OPCML: variants seen among roughly 807,000 people sequenced by gnomAD.
The protein encoded by OPCML is opioid binding protein/cell adhesion molecule like.
Under a neutral mutation model 37.8 loss-of-function variants are expected in OPCML, and 13 were observed. The observed-to-expected ratio is 0.34, with a 90% confidence interval of 0.22 to 0.55. The LOEUF is 0.55. OPCML is among the 20% of genes least tolerant of loss of function. The pLI is 0.91. For synonymous variants in OPCML, 176 were observed against 168.8 expected, an observed-to-expected ratio of 1.04 and a Z score of -0.33; for missense variants, 341 against 435.6, an observed-to-expected ratio of 0.78 and a Z score of 1.93.
intron 1 of OPCML, among the ~76,000 whole-genome samples, chr11:133,170,289 A>T (rs577350289): frequency 6.6e-6 from 1 of 152,360 alleles, no homozygotes; most frequent in South Asian, 2.1e-4. Context: ...ATCCTGGCTA[A>T]CACAGTGAAA....
intron 1 of OPCML, among the ~76,000 whole-genome samples, chr11:133,087,620 C>T (rs1264723719): frequency 6.6e-6 from 1 of 152,172 alleles, no homozygotes; most frequent in African/African-American, 2.4e-5. Context: ...TGTCGCAACC[C>T]GAGAGAGATA....
At chr11:132,852,993 G>A (rs966479721) in intron 2 of OPCML, among the ~76,000 whole-genome samples, 2 of 151,876 alleles carry the variant, frequency 1.3e-5, no homozygotes, top group Admixed American at 1.3e-4. Flanking sequence ...TACAGAAAAA[G>A]TTTGCCGGCA....
intron 1 of OPCML, among the ~76,000 whole-genome samples, chr11:132,989,936 T>C (rs1255129477): frequency 6.6e-6 from 1 of 152,144 alleles, no homozygotes; most frequent in Non-Finnish European, 1.5e-5. Flanking sequence ...ATGATTTTCC[T>C]GGTGTACCAA....
intron 2 of OPCML, among the ~76,000 whole-genome samples, chr11:132,712,229 C>T (rs971216039): frequency 3.9e-5 from 6 of 152,064 alleles, no homozygotes; most frequent in South Asian, 2.1e-4. Context: ...ATGTAATTAG[C>T]GGAACTGCAG....
intron 1 of OPCML, among the ~76,000 whole-genome samples, chr11:132,986,536 C>T (rs983663558): frequency 1.3e-5 from 2 of 152,116 alleles, no homozygotes; most frequent in Admixed American, 6.5e-5. Context: ...AGAATAAGCA[C>T]CTAGCACTTT....
At chr11:132,907,750 A>G (rs1047119808) in intron 2 of OPCML, among the ~76,000 whole-genome samples, 9 of 152,156 alleles carry the variant, frequency 5.9e-5, no homozygotes, top group African/African-American at 2.2e-4. Flanking sequence ...AGTAGAATAA[A>G]CCATTTGCTC....
intron 1 of OPCML, among the ~76,000 whole-genome samples, chr11:133,314,491 C>T (rs1943154751): frequency 6.6e-6 from 1 of 151,566 alleles, no homozygotes; most frequent in Non-Finnish European, 1.5e-5. Context: ...TTGGCTTCTG[C>T]ACACTATTCA....
intron 1 of OPCML, among the ~76,000 whole-genome samples, chr11:133,529,521 T>C (rs1467812964): frequency 2.0e-5 from 3 of 152,198 alleles, no homozygotes; most frequent in Non-Finnish European, 4.4e-5. Flanking sequence ...GACTGTCTTT[T>C]CCATCCCAGA....
intron 2 of OPCML, among the ~76,000 whole-genome samples, chr11:132,742,580 G>A (rs1945466737): frequency 6.6e-6 from 1 of 151,986 alleles, no homozygotes; most frequent in Non-Finnish European, 1.5e-5. Flanking sequence ...ATAAATGCCT[G>A]CTATCTAAGC....
At chr11:132,635,865 G>C (rs1003648751) in intron 3 of OPCML, among the ~76,000 whole-genome samples, 4 of 152,040 alleles carry the variant, frequency 2.6e-5, no homozygotes, top group South Asian at 4.2e-4. Flanking sequence ...AGAACCAAGC[G>C]GCAGGAGGTT....
intron 2 of OPCML, among the ~76,000 whole-genome samples, chr11:132,825,276 C>T (rs1007354079): frequency 6.6e-6 from 1 of 152,090 alleles, no homozygotes; most frequent in Non-Finnish European, 1.5e-5. Flanking sequence ...AACTTCCTAA[C>T]TATATATGAG....
intron 2 of OPCML, among the ~76,000 whole-genome samples, chr11:132,832,027 C>T (rs923435953): frequency 1.3e-5 from 2 of 151,884 alleles, no homozygotes; most frequent in Non-Finnish European, 2.9e-5. Flanking sequence ...GCTTACCTCT[C>T]TTGTGGGACA....
At chr11:132,678,921 C>T (rs1039389221) in intron 2 of OPCML, among the ~76,000 whole-genome samples, 1 of 152,038 alleles carries the variant, frequency 6.6e-6, no homozygotes, top group African/African-American at 2.4e-5. Context: ...TCAGCTGTAA[C>T]AATGGCCCAC....
intron 1 of OPCML, among the ~76,000 whole-genome samples, chr11:133,493,787 T>C (rs1480803088): frequency 2.0e-5 from 3 of 152,200 alleles, no homozygotes; most frequent in Non-Finnish European, 4.4e-5. Flanking sequence ...ATGTCCTGAA[T>C]GGTAATGCCT....
intron 2 of OPCML, among the ~76,000 whole-genome samples, chr11:132,781,046 T>A (rs1290387677): frequency 6.6e-6 from 1 of 152,218 alleles, no homozygotes; most frequent in Non-Finnish European, 1.5e-5. Context: ...TATCAAGTAC[T>A]GTCTGTTAGT....
intron 1 of OPCML, chr11:133,067,194 T>C (rs535643318): frequency 6.6e-6 from 1 of 152,298 alleles, no homozygotes; most frequent in East Asian, 1.9e-4. Flanking sequence ...CTTTTGAAGA[T>C]GTGTGATTAG....
At chr11:133,081,984 G>A (rs1948726144) in intron 1 of OPCML, among the ~76,000 whole-genome samples, 1 of 152,092 alleles carries the variant, frequency 6.6e-6, no homozygotes, top group Non-Finnish European at 1.5e-5. Flanking sequence ...AGCAGCCCCG[G>A]GAAGTTCTGT....
chr11:132,723,767 T>C (rs1354301177), intron 2 of OPCML, among the ~76,000 whole-genome samples: 3 of 152,226 alleles, frequency 2.0e-5, no homozygotes, highest in African/African-American at 7.2e-5. Flanking sequence ...TACATTAATC[T>C]ATGGGCTTAG....
intron 1 of OPCML, among the ~76,000 whole-genome samples, chr11:133,519,516 A>G (rs1453389363): frequency 2.0e-5 from 3 of 152,166 alleles, no homozygotes; most frequent in Non-Finnish European, 4.4e-5. Flanking sequence ...CTAAAAAATA[A>G]TCATGAACAG....
Sources: gnomAD v4.1 joint callset for allele counts (sites outside exome capture counted in the v4.1 genomes callset) on GRCh38, gnomAD v4.1.1 for gene constraint, MANE v1.5 for transcripts, NCBI Gene and HGNC (gene_info 2026-07-23, HGNC 2026-07-21) for gene names.